The following SOX13 variants were observed in gnomAD, a reference collection of about 807,000 sequenced individuals.
The protein encoded by SOX13 is SRY-box transcription factor 13, also known as transcription factor SOX-13.
SOX13 carries 28 observed loss-of-function variants against 71.8 expected under a neutral mutation model. The ratio of observed to expected loss-of-function variants is 0.39; its 90% CI spans 0.29 to 0.53. The LOEUF is 0.53. Among genes scored for constraint, SOX13 ranks in the 20% least tolerant of loss-of-function variants. The pLI, the probability that SOX13 is intolerant of heterozygous loss-of-function variation, is 0.70. For missense variants in SOX13, 627 were observed against 810.3 expected, an observed-to-expected ratio of 0.77 and a Z score of 2.75; for synonymous variants, 309 against 317.8, an observed-to-expected ratio of 0.97 and a Z score of 0.29.
chr1:204,096,239 G>GTTTTTTTTTTTT (rs59094119), intron 1 of SOX13, among the ~76,000 whole-genome samples: 24 of 85,366 alleles, frequency 2.8e-4, no homozygotes, highest in Non-Finnish European at 3.9e-4. Flanking sequence ...TCTTTCTTTC[G>GTTTTTTTTTTTT]TTTTTTTTTT....
chr1:204,077,897 C>T (rs1159798030), intron 1 of SOX13, among the ~76,000 whole-genome samples: 1 of 152,128 alleles, frequency 6.6e-6, no homozygotes, highest in Non-Finnish European at 1.5e-5. Flanking sequence ...CTGCAACCTC[C>T]ACCTCCTGAG....
intron 1 of SOX13, among the ~76,000 whole-genome samples, chr1:204,082,258 G>GCA (rs1386446969): frequency 6.6e-6 from 1 of 151,910 alleles, no homozygotes; most frequent in Non-Finnish European, 1.5e-5. Flanking sequence ...GTGTGTGTGT[G>GCA]CACATATGTG....
chr1:204,127,022 ACCT>A lies in SOX13; in HGVS notation c.*895_*897del, dbSNP rs1656935230. 1 of 149,988 alleles carries A rather than the reference ACCT, an allele frequency of 6.7e-6. No individual in the cohort carries two copies. Among genetic ancestry groups the A allele is most frequent in the African/African-American group, 2.5e-5 (1 of 40,188 alleles). The allele number at this position is 149,988 out of a possible 1,614,324, so 9.3% of individuals were successfully genotyped here. ...TGCCCTGGGCTCATCAGCCTTCCTG[ACCT>A]CCTCCTGCCCTCCCCTTCACTCCCT... On this transcript the variant is annotated 3_prime_UTR_variant, in exon 14 of 14. Transcript: ENST00000367204.
At chr1:204,105,178 G>T (rs918969308) in intron 1 of SOX13, among the ~76,000 whole-genome samples, 10 of 152,182 alleles carry the variant, frequency 6.6e-5, no homozygotes, top group Admixed American at 1.3e-4. Flanking sequence ...GGGCCTCGGG[G>T]CCTGGTAGGC....
chr1:204,116,701 T>C, intron 5 of SOX13, 22 bp downstream of exon 5: 1 of 1,610,422 alleles, frequency 6.2e-7, no homozygotes. Context: ...TCGGTGGGTG[T>C]AGCTTTCTTT....
chr1:204,093,695 G>T (rs1656192700), intron 1 of SOX13, among the ~76,000 whole-genome samples: 1 of 152,220 alleles, frequency 6.6e-6, no homozygotes, highest in Non-Finnish European at 1.5e-5. Flanking sequence ...CTATGGTTTG[G>T]AACTTTGGAA....
chr1:204,125,063 C>A (rs913361351), intron 13 of SOX13, among the ~76,000 whole-genome samples: 14 of 152,128 alleles, frequency 9.2e-5, no homozygotes, highest in Admixed American at 9.2e-4. Flanking sequence ...GTGGTGAGCA[C>A]TCAGTGGCTG....
intron 8 of SOX13, 46 bp from the exon 9 acceptor site, chr1:204,122,191 T>A: frequency 6.8e-7 from 1 of 1,472,916 alleles, no homozygotes; most frequent in Non-Finnish European, 9.2e-7. Context: ...GCTGTGGGAG[T>A]GTCCTTTGGT....
Position 204,081,626 on chromosome 1 carries a change from G to A in SOX13, c.-2+7915G>A, listed in dbSNP as rs765985088. On this transcript the variant is annotated intron_variant, in intron 1 of 13. Coordinates refer to ENST00000367204, the MANE Select transcript of SOX13 (RefSeq NM_005686.3). The surrounding 1 kb of genome is among the most constrained non-coding windows in gnomAD (Gnocchi z 4.3). ...GACAGGGAGGGGAGCCTTGGCGTGAGCTGCCCTCACACTGACTTAAAAGCA... is the reference window on the plus strand; with the variant it reads ...GACAGGGAGGGGAGCCTTGGCGTGAACTGCCCTCACACTGACTTAAAAGCA... 2.6e-5 allele frequency among the ~76,000 whole-genome samples: 4 copies of A among 152,190 alleles called. No individual in the cohort carries two copies. Among genetic ancestry groups the A allele is most frequent in the Non-Finnish European group, 5.9e-5 (4 of 68,032 alleles).
intron 13 of SOX13, 108 bp downstream of exon 13, chr1:204,124,965 T>C (rs527806246): frequency 6.2e-6 from 5 of 808,920 alleles, no homozygotes; most frequent in Non-Finnish European, 6.1e-6. Context: ...ACCCCAGGGG[T>C]GCTGTGTGTA....
At chr1:204,084,602 G>A (rs914361092) in intron 1 of SOX13, among the ~76,000 whole-genome samples, 1 of 152,126 alleles carries the variant, frequency 6.6e-6, no homozygotes, top group Non-Finnish European at 1.5e-5. Context: ...CCGGGAGGGA[G>A]GCCACAGGCA....
At chr1:204,075,675 G>C (rs550209477) in intron 1 of SOX13, among the ~76,000 whole-genome samples, 13 of 152,262 alleles carry the variant, frequency 8.5e-5, no homozygotes, top group Non-Finnish European at 4.4e-5. Context: ...CCTGGAGCTG[G>C]AGTTAGATCC....
intron 9 of SOX13, 105 bp from the exon 10 acceptor site, chr1:204,122,749 T>C: frequency 1.4e-6 from 1 of 703,448 alleles, no homozygotes; most frequent in South Asian, 1.9e-5. Context: ...CTCAGGTGCC[T>C]CATGGGAGTG....
intron 1 of SOX13, among the ~76,000 whole-genome samples, chr1:204,104,811 A>G (rs1656430553): frequency 6.6e-6 from 1 of 152,106 alleles, no homozygotes; most frequent in African/African-American, 2.4e-5. Flanking sequence ...ACTGGAATTT[A>G]TCTCTATCTT....
intron 1 of SOX13, among the ~76,000 whole-genome samples, chr1:204,087,936 TG>T (rs1300425995): frequency 6.6e-6 from 1 of 152,230 alleles, no homozygotes; most frequent in Non-Finnish European, 1.5e-5. Context: ...CCCACCTGGC[TG>T]TGGATCTGCA....
chr1:204,125,970 C>T lies in SOX13; in HGVS notation c.1705C>T (p.Pro569Ser). Reference sequence around the variant, plus strand: ...GCACTATGTCCCTCGTAGCCTGGACCCCAACATGCCTGTGATCGTCAACAC... The same window carrying T: ...GCACTATGTCCCTCGTAGCCTGGACTCCAACATGCCTGTGATCGTCAACAC... The part of the protein sequence containing the change: ...VEHYVPRSLD[P>S]NMPVIVNTCS... Residue 569 changes from proline (P) to serine (S), a missense_variant, in exon 14 of 14, where the codon CCC (proline) becomes TCC (serine). Coordinates refer to ENST00000367204, the MANE Select transcript of SOX13 (RefSeq NM_005686.3). 6.2e-7 allele frequency: 1 copy of T among 1,613,936 alleles called. No homozygotes were observed. Among genetic ancestry groups the T allele is most frequent in the Non-Finnish European group, 8.5e-7 (1 of 1,179,872 alleles).
chr1:204,122,791 A>G, intron 9 of SOX13, 63 bp from the exon 10 acceptor site: 3 of 1,054,782 alleles, frequency 2.8e-6, no homozygotes, highest in Non-Finnish European at 4.2e-6. Context: ...GTTTGGGCTC[A>G]TGCTGGGCTG....
chr1:204,122,575 G>C lies in SOX13; in HGVS notation c.1024+176G>C. On this transcript the variant is annotated intron_variant, in intron 9 of 13. Transcript: ENST00000367204. ...TTCCTCTCCCTCATCATATCTGTCTGGGCATTCCAAGCATCAGGGATTCAG... is the reference window on the plus strand; with the variant it reads ...TTCCTCTCCCTCATCATATCTGTCTCGGCATTCCAAGCATCAGGGATTCAG... 4.9e-6 allele frequency: 3 copies of C among 617,962 alleles called. No homozygotes were observed. The South Asian group carries it at 6.0e-5, about 12-fold the overall frequency. 38.3% of individuals were successfully genotyped at this position (617,962 alleles called of 1,614,324 possible). A position where few individuals can be genotyped will look rare whatever the true frequency, so the allele number is the denominator to read the frequency against.
In SOX13 at chr1:204,117,201, G is replaced by A. The variant is rs1277977911; in HGVS notation, c.660+11G>A. 6.2e-7 allele frequency: 1 copy of A among 1,613,342 alleles called. No individual in the cohort carries two copies. The highest frequency in any genetic ancestry group is 8.5e-7 in the Non-Finnish European group (1 of 1,179,310). ...CAGCAGCAGATCCAGGTAACCGGAG[G>A]GGAGACCCGGAGAGGCACAGGAGGC... On this transcript the variant is annotated intron_variant, in intron 6 of 13. Coordinates refer to ENST00000367204, the MANE Select transcript of SOX13 (RefSeq NM_005686.3).
Sources: gnomAD v4.1 joint callset for allele counts (sites outside exome capture counted in the v4.1 genomes callset) on GRCh38, gnomAD v4.1.1 for gene constraint, Gnocchi (gnomAD v3.1) non-coding constraint, MANE v1.5 for transcripts, NCBI Gene and HGNC (gene_info 2026-07-23, HGNC 2026-07-21) for gene names.